PHLPP1: variants seen among roughly 807,000 people sequenced by gnomAD.
PHLPP1 encodes the protein PH domain leucine-rich repeat-containing protein phosphatase 1.
PHLPP1 carries 42 observed loss-of-function variants against 117.2 expected under a neutral mutation model. The observed-to-expected ratio is 0.36, with a 90% CI of 0.28 to 0.46. PHLPP1 has a LOEUF of 0.46. Among genes scored for constraint, PHLPP1 ranks in the 20% least tolerant of loss-of-function variants. The pLI is 1.00. For missense variants in PHLPP1, 2,084 were observed against 2,241.9 expected, an observed-to-expected ratio of 0.93 and a Z score of 1.42; for synonymous variants, 1,042 against 970.7, an observed-to-expected ratio of 1.07 and a Z score of -1.37.
Position 62,941,742 on chromosome 18 carries a change from G to T in PHLPP1, c.2985G>T (p.Ala995=). The part of the protein sequence containing the change: ...ADSLRFLNAS[A]NKLESLPPAT... ...GCCTGAGATTCCTGAACGCCTCTGC[G>T]AACAAACTGGAAAGCCTTCCTCCAG... The change falls in exon 11 of 17, where the codon GCG becomes GCT. Residue 995 remains alanine (A), a synonymous_variant. Coordinates refer to ENST00000262719, the MANE Select transcript of PHLPP1 (RefSeq NM_194449.4). The T allele has an allele frequency of 6.2e-7, 1 of 1,613,204 alleles. No individual in the cohort carries two copies. The highest frequency in any genetic ancestry group is 8.5e-7 in the Non-Finnish European group (1 of 1,179,482).
intron 1 of PHLPP1, among the ~76,000 whole-genome samples, chr18:62,785,461 T>C (rs529398190): frequency 1.3e-5 from 2 of 152,354 alleles, no homozygotes; most frequent in East Asian, 3.9e-4. Context: ...ACCTTTGTGC[T>C]GTGGCTATTA....
intron 1 of PHLPP1, among the ~76,000 whole-genome samples, chr18:62,775,855 T>C (rs939439516): frequency 5.3e-4 from 80 of 152,304 alleles, no homozygotes; most frequent in African/African-American, 1.9e-3. Context: ...TTATCCTCTA[T>C]CTACCCTTGA....
intron 1 of PHLPP1, among the ~76,000 whole-genome samples, chr18:62,793,523 C>T (rs1243714648): frequency 2.0e-5 from 3 of 152,156 alleles, no homozygotes; most frequent in Non-Finnish European, 2.9e-5. Flanking sequence ...CTTAGCTCTT[C>T]CATAGTAACA....
intron 1 of PHLPP1, among the ~76,000 whole-genome samples, chr18:62,799,477 C>T (rs1012033032): frequency 1.3e-5 from 2 of 152,088 alleles, no homozygotes; most frequent in African/African-American, 4.8e-5. Flanking sequence ...TAGAAAGGAC[C>T]GCAGAGTTCA....
intron 1 of PHLPP1, among the ~76,000 whole-genome samples, chr18:62,720,170 A>T (rs1409347968): frequency 2.0e-5 from 3 of 152,208 alleles, no homozygotes; most frequent in African/African-American, 4.8e-5. Context: ...GAGAGTAATT[A>T]TAGGTTAAAA....
Position 62,716,097 on chromosome 18 carries a change from C to T in PHLPP1, c.414C>T (p.Ser138=), listed in dbSNP as rs1402190715. The part of the protein sequence containing the change: ...RNLSAAAAAA[S]SSSSSSAAAA... ...TGTCCGCGGCCGCCGCGGCCGCCTCCTCGTCGTCGTCGTCCTCGGCCGCTG... is the reference window on the plus strand; with the variant it reads ...TGTCCGCGGCCGCCGCGGCCGCCTCTTCGTCGTCGTCGTCCTCGGCCGCTG... Residue 138 remains serine, a synonymous_variant, in exon 1 of 17, where the codon TCC becomes TCT. Transcript: ENST00000262719. The surrounding 1 kb of genome is among the most constrained non-coding windows in gnomAD (Gnocchi z 5.7). 1 of 1,501,908 alleles carries T rather than the reference C, an allele frequency of 6.7e-7. No individual in the cohort carries two copies. The highest frequency in any genetic ancestry group is 8.8e-7 in the Non-Finnish European group (1 of 1,133,568). 93.0% of individuals were successfully genotyped at this position (1,501,908 alleles called of 1,614,324 possible).
intron 1 of PHLPP1, among the ~76,000 whole-genome samples, chr18:62,817,258 TA>T (rs1663977702): frequency 1.3e-5 from 2 of 152,164 alleles, no homozygotes; most frequent in African/African-American, 4.8e-5. Context: ...GGAACTCAAC[TA>T]ACACAGAAAT....
At chr18:62,859,765 A>G (rs1314437652) in intron 3 of PHLPP1, among the ~76,000 whole-genome samples, 1 of 152,160 alleles carries the variant, frequency 6.6e-6, no homozygotes, top group Non-Finnish European at 1.5e-5. Flanking sequence ...TTATGTTTTC[A>G]GGAATAAAAC....
rs754751490 is a variant in PHLPP1, at chr18:62,892,524, CAGTT to C, written c.2067-2484_2067-2481del. ...AGTCTCCACTGAAATATGAGAGTGA[CAGTT>C]AGGTGTGCGGAAGAAAGTGGCACAA... On this transcript the variant is annotated intron_variant, in intron 4 of 16. Coordinates refer to ENST00000262719, the MANE Select transcript of PHLPP1 (RefSeq NM_194449.4). 3.2e-4 allele frequency among the ~76,000 whole-genome samples: 48 copies of C among 152,148 alleles called. 1 individual carries two copies. Among genetic ancestry groups the C allele is most frequent in the Admixed American group, 1.7e-3 (26 of 15,280 alleles).
At chr18:62,930,336 C>G (rs2144438178) in intron 10 of PHLPP1, among the ~76,000 whole-genome samples, 1 of 152,154 alleles carries the variant, frequency 6.6e-6, no homozygotes, top group Admixed American at 6.5e-5. Flanking sequence ...TTCAAGAGAC[C>G]CATCTCACAT....
intron 4 of PHLPP1, among the ~76,000 whole-genome samples, chr18:62,884,304 A>G (rs564719453): frequency 3.3e-5 from 5 of 152,372 alleles, no homozygotes; most frequent in East Asian, 1.9e-4. Flanking sequence ...AAACCAAACT[A>G]TTGACACTGC....
At chr18:62,957,322 C>G (rs748887119) in intron 12 of PHLPP1, among the ~76,000 whole-genome samples, 3 of 152,112 alleles carry the variant, frequency 2.0e-5, no homozygotes, top group Non-Finnish European at 4.4e-5. Flanking sequence ...TTTCTACTTA[C>G]AGGTAAAACC....
At chr18:62,797,083 C>T (rs1271277507) in intron 1 of PHLPP1, among the ~76,000 whole-genome samples, 1 of 152,142 alleles carries the variant, frequency 6.6e-6, no homozygotes, top group Non-Finnish European at 1.5e-5. Context: ...TCATATAAAT[C>T]TTATTTCATA....
chr18:62,722,786 T>C (rs1910961523), intron 1 of PHLPP1, among the ~76,000 whole-genome samples: 1 of 152,236 alleles, frequency 6.6e-6, no homozygotes. Context: ...GAAACTCAAG[T>C]ACTTAGGAAG....
At chr18:62,825,609 T>A (rs1212535411) in intron 1 of PHLPP1, 2 of 151,654 alleles carry the variant, frequency 1.3e-5, no homozygotes, top group Non-Finnish European at 2.9e-5. Context: ...TACAGGTGCC[T>A]GCCACCACTC....
intron 1 of PHLPP1, among the ~76,000 whole-genome samples, chr18:62,829,758 A>G (rs1254626814): frequency 6.6e-6 from 1 of 152,174 alleles, no homozygotes; most frequent in Non-Finnish European, 1.5e-5. Context: ...TCTCAAAAAA[A>G]AAGAAAAGAA....
At chr18:62,897,255 A>G (rs1916587458) in intron 6 of PHLPP1, among the ~76,000 whole-genome samples, 1 of 152,230 alleles carries the variant, frequency 6.6e-6, no homozygotes, top group South Asian at 2.1e-4. Context: ...CATAAGATCA[A>G]TCTGAAATGT....
chr18:62,920,900 A>T lies in PHLPP1; in HGVS notation c.2960+786A>T, dbSNP rs192539987. ...AACAGTCCTTCTTATCTTTATCATA[A>T]TTAATTCCACATTCAATTCAATTAT... On this transcript the variant is annotated intron_variant, in intron 10 of 16. Coordinates refer to ENST00000262719, the MANE Select transcript of PHLPP1 (RefSeq NM_194449.4). 5.3e-5 allele frequency among the ~76,000 whole-genome samples: 8 copies of T among 152,294 alleles called. No homozygotes were observed. The East Asian group carries it at 1.3e-3, about 26-fold the overall frequency.
chr18:62,730,849 G>A (rs1168333697), intron 1 of PHLPP1, among the ~76,000 whole-genome samples: 1 of 151,596 alleles, frequency 6.6e-6, no homozygotes, highest in Non-Finnish European at 1.5e-5. Flanking sequence ...TTGATGATAC[G>A]TGTGGAAGTG....
Sources: allele counts gnomAD v4.1 joint callset (sites outside exome capture counted in the v4.1 genomes callset), GRCh38; gene constraint gnomAD v4.1.1; non-coding constraint Gnocchi (gnomAD v3.1); transcripts MANE v1.5; gene names NCBI Gene and HGNC (gene_info 2026-07-23, HGNC 2026-07-21).